The following SYNE1 variants were observed in gnomAD, a reference collection of about 807,000 sequenced individuals.
SYNE1 encodes the protein nesprin-1.
A neutral mutation model predicts 1,111.0 loss-of-function variants in SYNE1; 616 were observed. That is an observed-to-expected ratio of 0.55 (90% CI 0.52 to 0.59). The LOEUF (loss-of-function observed/expected upper bound fraction) is 0.59, where lower values mean the gene tolerates loss of function less well. Ranked by LOEUF, SYNE1 falls within the 20% of genes least tolerant of loss-of-function variation. SYNE1 has a pLI of 0.00. For missense variants in SYNE1, 10,006 were observed against 10,417.0 expected (o/e 0.96, Z 1.72); for synonymous variants, 3,855 against 3,825.8 (o/e 1.01, Z -0.28).
intron 97 of SYNE1, among the ~76,000 whole-genome samples, chr6:152,279,151 T>TC (rs1175419344): frequency 1.0e-4 from 10 of 97,784 alleles, no homozygotes; most frequent in Admixed American, 4.4e-4. Flanking sequence ...TCTTTTCTTT[T>TC]TTTTTTTTTT....
chr6:152,620,893 T>G (rs1356816489), intron 3 of SYNE1, among the ~76,000 whole-genome samples: 11 of 152,300 alleles, frequency 7.2e-5, no homozygotes, highest in Middle Eastern at 3.4e-3. Flanking sequence ...TCCTCAAAGT[T>G]TTTATATTCT....
At chr6:152,502,591 C>T (rs1417315954) in intron 10 of SYNE1, 42 bp downstream of exon 10, 2 of 1,428,490 alleles carry the variant, frequency 1.4e-6, no homozygotes, top group African/African-American at 2.8e-5. Flanking sequence ...GAGTCACTGT[C>T]ATTGCATATA....
rs2094750407 is a variant in SYNE1, at chr6:152,294,193, T to C, written c.17683-66A>G. 3 of 1,560,912 alleles carry C rather than the reference T, an allele frequency of 1.9e-6. No homozygotes were observed. The South Asian group carries it at 3.4e-5, about 18-fold the overall frequency. The stretch of plus-strand genomic sequence containing the variant: ...AAAGTCTAGATTAATATGCTCTGGG[T>C]ACTGTTGGTCATGTCAAGGAAAGGT... On this transcript the variant is annotated intron_variant, in intron 93 of 145. Transcript: ENST00000367255.
At chr6:152,369,360 G>A (rs2097138585) in intron 60 of SYNE1, 111 bp downstream of exon 60, 2 of 1,519,360 alleles carry the variant, frequency 1.3e-6, no homozygotes, top group Non-Finnish European at 1.8e-6. Context: ...AACACACTAT[G>A]TCTCACGGCA....
At chr6:152,192,919 C>T (rs1405313153) in intron 127 of SYNE1, among the ~76,000 whole-genome samples, 1 of 151,964 alleles carries the variant, frequency 6.6e-6, no homozygotes, top group Non-Finnish European at 1.5e-5. Context: ...CATAGAATAT[C>T]GTTTTCCATC....
chr6:152,415,789 T>TAAAAAAAAA lies in SYNE1; in HGVS notation c.6050+589_6050+597dup, dbSNP rs1209590450. On this transcript the variant is annotated intron_variant, in intron 41 of 145. Coordinates refer to ENST00000367255, the MANE Select transcript of SYNE1 (RefSeq NM_182961.4). Reference sequence around the variant, plus strand: ...GTCGTTAATCTTATCTTCAAAGTGGTAAAAAAAAAAAAAAAAAAAAAAAAA... The same window carrying TAAAAAAAAA: ...GTCGTTAATCTTATCTTCAAAGTGGTAAAAAAAAAAAAAAAAAAAAAAAAAAAAAAAAAA... 6.0e-4 allele frequency among the ~76,000 whole-genome samples: 44 copies of TAAAAAAAAA among 73,018 alleles called. 2 individuals carry two copies. Among genetic ancestry groups the TAAAAAAAAA allele is most frequent in the East Asian group, 1.5e-3 (3 of 1,948 alleles). The allele number at this position is 73,018 out of a possible 152,430, so 47.9% of individuals were successfully genotyped here.
At chr6:152,486,306 A>G (rs1017714999) in intron 12 of SYNE1, among the ~76,000 whole-genome samples, 12 of 152,226 alleles carry the variant, frequency 7.9e-5, no homozygotes, top group African/African-American at 2.9e-4. Context: ...AAAACTGGAA[A>G]ATGCAGCATT....
At chr6:152,500,399 G>A (rs2099022909) in intron 10 of SYNE1, among the ~76,000 whole-genome samples, 1 of 152,150 alleles carries the variant, frequency 6.6e-6, no homozygotes, top group Non-Finnish European at 1.5e-5. Context: ...AAGTCACGCT[G>A]GTGGCCAATG....
chr6:152,534,105 T>C (rs936557505), intron 4 of SYNE1, among the ~76,000 whole-genome samples: 6 of 151,614 alleles, frequency 4.0e-5, no homozygotes, highest in African/African-American at 1.5e-4. Context: ...GTTGCAGTGA[T>C]CCAAGCCATG....
rs760684028 is a variant in SYNE1, at chr6:152,232,089, A to C, written c.20862+27T>G. ...AAATAAAATGGTCTGAAAATATGAA[A>C]AGTTAAAAACAAAAAATTTTAATTA... is the stretch of plus-strand genomic sequence containing the variant. On this transcript the variant is annotated intron_variant, in intron 113 of 145. Transcript: ENST00000367255. 2.7e-6 allele frequency: 4 copies of C among 1,503,704 alleles called. No individual in the cohort carries two copies. In the African/African-American group the frequency reaches 5.5e-5, roughly 21 times the overall value. The allele number at this position is 1,503,704 out of a possible 1,614,324, so 93.1% of individuals were successfully genotyped here. A position where few individuals can be genotyped will look rare whatever the true frequency, so the allele number is the denominator to read the frequency against.
At chr6:152,605,252 T>C (rs921706059) in intron 3 of SYNE1, among the ~76,000 whole-genome samples, 10 of 152,186 alleles carry the variant, frequency 6.6e-5, no homozygotes, top group East Asian at 3.8e-4. Context: ...CCACTTGAAC[T>C]TATTTCTCAT....
At chr6:152,622,077 T>G (rs529819097) in intron 3 of SYNE1, among the ~76,000 whole-genome samples, 2 of 152,304 alleles carry the variant, frequency 1.3e-5, no homozygotes, top group East Asian at 3.9e-4. Flanking sequence ...ACTATAATGT[T>G]CCAAAATATA....
intron 54 of SYNE1, 46 bp downstream of exon 54, chr6:152,387,026 G>T (rs1317916707): frequency 6.8e-7 from 1 of 1,467,952 alleles, no homozygotes; most frequent in South Asian, 1.2e-5. Flanking sequence ...TCAATATATT[G>T]TATTAATGTA....
chr6:152,504,250 G>T (rs1240239045), intron 9 of SYNE1, among the ~76,000 whole-genome samples: 1 of 152,096 alleles, frequency 6.6e-6, no homozygotes, highest in Non-Finnish European at 1.5e-5. Flanking sequence ...AGTGGGGTGG[G>T]GGCAGAGTGG....
rs67723248 is a variant in SYNE1 at position 152,462,592 on chromosome 6, C to A, written c.2250+146G>T. The A allele has an allele frequency of 0.23, 192,253 of 822,996 alleles. 23,190 individuals carry two copies. The highest frequency in any genetic ancestry group is 0.35 in the East Asian group (13,851 of 39,596). 51.0% of individuals were successfully genotyped at this position (822,996 alleles called of 1,614,324 possible). ...TTTTTTATGTTCAATACATTTTTTT[C>A]TGACAGGTGCAAATTGGGACATACA... On this transcript the variant is annotated intron_variant, in intron 20 of 145. Coordinates refer to ENST00000367255, the MANE Select transcript of SYNE1 (RefSeq NM_182961.4).
At chr6:152,427,612 T>C in intron 38 of SYNE1, 81 bp downstream of exon 38, 1 of 1,523,992 alleles carries the variant, frequency 6.6e-7, no homozygotes, top group African/African-American at 1.4e-5. Context: ...GGTACAAGTT[T>C]ATTTATTTTA....
At chr6:152,309,784 GC>G (rs2095493040) in intron 90 of SYNE1, 50 bp downstream of exon 90, 18 of 1,606,098 alleles carry the variant, frequency 1.1e-5, no homozygotes, top group Non-Finnish European at 1.5e-5. Context: ...AAGAAAAGAA[GC>G]CCATGATTCA....
intron 2 of SYNE1, among the ~76,000 whole-genome samples, chr6:152,629,843 A>G (rs972141506): frequency 1.2e-4 from 19 of 152,044 alleles, no homozygotes; most frequent in African/African-American, 4.6e-4. Flanking sequence ...GAAGAAGGGG[A>G]GAATGGCAAA....
chr6:152,157,652 G>A (rs932920997), intron 131 of SYNE1, among the ~76,000 whole-genome samples: 16 of 152,002 alleles, frequency 1.1e-4, no homozygotes, highest in Admixed American at 7.9e-4. Flanking sequence ...CACAGTTTAT[G>A]CATGTAACAA....
Sources: allele counts gnomAD v4.1 joint callset (sites outside exome capture counted in the v4.1 genomes callset), GRCh38; gene constraint gnomAD v4.1.1; transcripts MANE v1.5; gene names NCBI Gene and HGNC (gene_info 2026-07-23, HGNC 2026-07-21).